The following PLEKHA8 variants were observed in gnomAD, a reference collection of about 807,000 sequenced individuals.
PLEKHA8 encodes pleckstrin homology domain containing A8.
In PLEKHA8, 36 loss-of-function variants were observed where a neutral mutation model predicts 68.2. That is an observed-to-expected ratio of 0.53 (90% confidence interval 0.40 to 0.70). PLEKHA8 has a LOEUF of 0.70. PLEKHA8 is among the 30% of genes least tolerant of loss of function. The probability of loss-of-function intolerance (pLI) is 0.00; values close to 1 mark genes in which losing one functional copy is unlikely to be tolerated. For synonymous variants in PLEKHA8, 211 were observed against 216.1 expected (o/e 0.98, Z 0.20); for missense variants, 505 against 615.4 (o/e 0.82, Z 1.90).
intron 7 of PLEKHA8, among the ~76,000 whole-genome samples, chr7:30,053,988 C>G (rs1008094277): frequency 1.3e-4 from 20 of 152,284 alleles, no homozygotes; most frequent in African/African-American, 3.6e-4. Flanking sequence ...AGCACTATTA[C>G]TCATGCTTGA....
intron 12 of PLEKHA8, chr7:30,069,527 A>G (rs1794095627): frequency 6.6e-6 from 1 of 152,248 alleles, no homozygotes; most frequent in Non-Finnish European, 1.5e-5. Context: ...CAGTTACTAT[A>G]AAAGCTTTAG....
chr7:30,102,679 C>G (rs1229603986), intron 13 of PLEKHA8, among the ~76,000 whole-genome samples: 1 of 152,178 alleles, frequency 6.6e-6, no homozygotes, highest in Non-Finnish European at 1.5e-5. Context: ...CACAAAAGGA[C>G]AAATATTGTA....
intron 13 of PLEKHA8, among the ~76,000 whole-genome samples, chr7:30,104,241 G>A (rs1188468594): frequency 1.3e-5 from 2 of 152,190 alleles, no homozygotes; most frequent in Non-Finnish European, 2.9e-5. Context: ...GCTAGTTGGA[G>A]TCTTAAATGG....
chr7:30,110,317 A>G (rs964993478), intron 13 of PLEKHA8, among the ~76,000 whole-genome samples: 2 of 152,230 alleles, frequency 1.3e-5, no homozygotes, highest in Non-Finnish European at 2.9e-5. Flanking sequence ...CACATTTTGC[A>G]GATTCATCCA....
intron 13 of PLEKHA8, among the ~76,000 whole-genome samples, chr7:30,115,093 C>G (rs1796385600): frequency 6.6e-6 from 1 of 152,162 alleles, no homozygotes; most frequent in Non-Finnish European, 1.5e-5. Context: ...ACTCACTTCT[C>G]TCTTTGTTAC....
Position 30,061,891 on chromosome 7 carries a change from C to A in PLEKHA8, c.1099-6C>A. Reference sequence around the variant, plus strand: ...AACTTAGGTTGTTTCCCTGCTTTCCCTCCAGAAAGTAAATCAGAAGTATAT... The same window carrying A: ...AACTTAGGTTGTTTCCCTGCTTTCCATCCAGAAAGTAAATCAGAAGTATAT... On this transcript the variant is annotated splice_polypyrimidine_tract_variant and splice_region_variant and intron_variant, in intron 10 of 13. Transcript: ENST00000449726. The A allele has an allele frequency of 6.2e-7, 1 of 1,613,608 alleles. No homozygotes were observed. Among genetic ancestry groups the A allele is most frequent in the Non-Finnish European group, 8.5e-7 (1 of 1,179,972 alleles).
At position 30,082,316 on chromosome 7, in the gene PLEKHA8, A is replaced by C; in HGVS notation, c.*3529A>C. ...CCAGCAGTACCGCCATCAGCACACC[A>C]AATCTACCCCCACTTATGTTTGTTC... On this transcript the variant is annotated 3_prime_UTR_variant, in exon 14 of 14. Coordinates refer to ENST00000449726, the MANE Select transcript of PLEKHA8 (RefSeq NM_001197026.2). 1.0e-6 allele frequency: 1 copy of C among 985,536 alleles called. No homozygotes were observed. Among genetic ancestry groups the C allele is most frequent in the Non-Finnish European group, 1.2e-6 (1 of 830,048 alleles). 61.0% of individuals were successfully genotyped at this position (985,536 alleles called of 1,614,324 possible). A position where few individuals can be genotyped will look rare whatever the true frequency, so the allele number is the denominator to read the frequency against.
intron 13 of PLEKHA8, chr7:30,115,897 T>C (rs1340862767): frequency 1.4e-5 from 2 of 140,138 alleles, no homozygotes; most frequent in East Asian, 4.3e-4. Context: ...TGCGTATACA[T>C]GCATGTATAC....
At chr7:30,052,679 T>C in intron 6 of PLEKHA8, 30 bp from the exon 7 acceptor site, 2 of 1,498,320 alleles carry the variant, frequency 1.3e-6, no homozygotes, top group Non-Finnish European at 1.8e-6. Flanking sequence ...AACGACCTTC[T>C]GGCTTTTTTT....
chr7:30,082,254 GT>G lies in PLEKHA8; in HGVS notation c.*3469del. 2 of 985,436 alleles carry G rather than the reference GT, an allele frequency of 2.0e-6. No individual in the cohort carries two copies. Among genetic ancestry groups the G allele is most frequent in the Non-Finnish European group, 2.4e-6 (2 of 829,946 alleles). 61.0% of individuals were successfully genotyped at this position (985,436 alleles called of 1,614,324 possible). On this transcript the variant is annotated 3_prime_UTR_variant, in exon 14 of 14. Coordinates refer to ENST00000449726, the MANE Select transcript of PLEKHA8 (RefSeq NM_001197026.2). ...GGATTTCTGAACTCCATAGTCCAGC[GT>G]TGTTGCTTTTCTCTCTTCTTTGCTA...
intron 8 of PLEKHA8, 21 bp from the exon 9 acceptor site, chr7:30,055,236 C>G (rs1344308643): frequency 9.3e-6 from 15 of 1,606,382 alleles, no homozygotes; most frequent in Non-Finnish European, 1.3e-5. Flanking sequence ...CTTTTCTCCT[C>G]CATATCACCA....
intron 13 of PLEKHA8, among the ~76,000 whole-genome samples, chr7:30,114,447 T>G (rs1370167881): frequency 1.3e-5 from 2 of 152,244 alleles, no homozygotes; most frequent in African/African-American, 4.8e-5. Context: ...TAGCTTCAGT[T>G]TCTGCGCTCT....
At chr7:30,107,662 A>C (rs958224621) in intron 13 of PLEKHA8, among the ~76,000 whole-genome samples, 2 of 152,212 alleles carry the variant, frequency 1.3e-5, no homozygotes, top group Admixed American at 1.3e-4. Flanking sequence ...TCATAATTAC[A>C]TACAATTTTT....
At chr7:30,063,076 T>C (rs957891320) in intron 12 of PLEKHA8, among the ~76,000 whole-genome samples, 15 of 152,162 alleles carry the variant, frequency 9.9e-5, no homozygotes, top group African/African-American at 3.6e-4. Context: ...TCTTTGAAAA[T>C]CAGTATACAA....
At chr7:30,111,432 G>T (rs1000028306) in intron 13 of PLEKHA8, among the ~76,000 whole-genome samples, 1 of 151,806 alleles carries the variant, frequency 6.6e-6, no homozygotes, top group Non-Finnish European at 1.5e-5. Flanking sequence ...GATTGTTTTG[G>T]CTATTCTGTG....
chr7:30,128,073 A>T (rs1250079914), intron 13 of PLEKHA8, among the ~76,000 whole-genome samples: 6 of 148,842 alleles, frequency 4.0e-5, no homozygotes, highest in Non-Finnish European at 8.9e-5. Flanking sequence ...TAAACAGCAT[A>T]TAGATGAGTT....
chr7:30,034,825 A>G (rs1234755713), intron 1 of PLEKHA8, among the ~76,000 whole-genome samples: 2 of 151,174 alleles, frequency 1.3e-5, no homozygotes, highest in South Asian at 2.1e-4. Context: ...TCTTCCTGGT[A>G]TCATTTGCAA....
At chr7:30,085,322 G>T (rs537946298), downstream of PLEKHA8, among the ~76,000 whole-genome samples, 1 of 152,264 alleles carries the variant, frequency 6.6e-6, no homozygotes, top group Non-Finnish European at 1.5e-5. Context: ...GAATGGCCTT[G>T]CCCTGGGTGT....
At chr7:30,055,028 A>G (rs1792728375) in intron 8 of PLEKHA8, among the ~76,000 whole-genome samples, 163 bp downstream of exon 8, 1 of 152,222 alleles carries the variant, frequency 6.6e-6, no homozygotes, top group Admixed American at 6.5e-5. Context: ...AATGAATAAG[A>G]AGGAATTCAT....
Sources: allele counts gnomAD v4.1 joint callset (sites outside exome capture counted in the v4.1 genomes callset), GRCh38; gene constraint gnomAD v4.1.1; transcripts MANE v1.5; gene names NCBI Gene and HGNC (gene_info 2026-07-23, HGNC 2026-07-21).